Variants in DPP10 observed in about 807,000 individuals in gnomAD.
DPP10 encodes inactive dipeptidyl peptidase 10.
DPP10 carries 33 observed loss-of-function variants against 120.9 expected under a neutral mutation model. That is an observed-to-expected ratio of 0.27 (90% CI 0.21 to 0.37). The LOEUF (loss-of-function observed/expected upper bound fraction) is 0.37. DPP10 is among the 10% of genes least tolerant of loss of function. The pLI, the probability that DPP10 is intolerant of heterozygous loss-of-function variation, is 1.00. For missense variants in DPP10, 816 were observed against 942.8 expected (o/e 0.87, Z 1.76); for synonymous variants, 337 against 326.1 (o/e 1.03, Z -0.36).
chr2:114,919,551 T>C (rs982470056), intron 1 of DPP10, among the ~76,000 whole-genome samples: 14 of 152,350 alleles, frequency 9.2e-5, no homozygotes, highest in Admixed American at 3.3e-4. Flanking sequence ...ATGTTGGTTA[T>C]ATAACGCAAG....
At chr2:115,250,519 AG>A (rs1280391723) in intron 1 of DPP10, among the ~76,000 whole-genome samples, 1 of 152,146 alleles carries the variant, frequency 6.6e-6, no homozygotes, top group African/African-American at 2.4e-5. Flanking sequence ...AGGGACTCAA[AG>A]GGAATGTCTG....
intron 21 of DPP10, among the ~76,000 whole-genome samples, chr2:115,821,855 A>G (rs1687851741): frequency 6.6e-6 from 1 of 151,990 alleles, no homozygotes; most frequent in Admixed American, 6.6e-5. Context: ...TTTTTGTGTA[A>G]ACATATATTT....
intron 1 of DPP10, among the ~76,000 whole-genome samples, chr2:114,888,316 A>C (rs1300176342): frequency 1.3e-5 from 2 of 152,086 alleles, no homozygotes; most frequent in Non-Finnish European, 2.9e-5. Flanking sequence ...GATTCCTATA[A>C]CTTTGAATAT....
At chr2:114,967,937 A>G (rs1441711599) in intron 1 of DPP10, among the ~76,000 whole-genome samples, 1 of 152,128 alleles carries the variant, frequency 6.6e-6, no homozygotes, top group Non-Finnish European at 1.5e-5. Flanking sequence ...ACTTAGGCTT[A>G]TCGAATAAAA....
chr2:114,466,691 A>G (rs1425431106), intron 1 of DPP10, among the ~76,000 whole-genome samples: 1 of 152,192 alleles, frequency 6.6e-6, no homozygotes, highest in Admixed American at 6.5e-5. Context: ...GCGAATGTGA[A>G]CCATTCTTAT....
At position 114,929,278 on chromosome 2, in the gene DPP10, C is replaced by T. The variant is rs983776775; in HGVS notation, c.61-379961C>T. Among the ~76,000 whole-genome samples, 21 of 152,228 alleles carry T rather than the reference C, an allele frequency of 1.4e-4. No individual in the cohort carries two copies. The East Asian group carries it at 2.9e-3, about 21-fold the overall frequency. ...ATGAGGTTCCACGTCCTGCTGCGCACGCATTATCATTGATAAACATCTTAA... is the reference window on the plus strand; with the variant it reads ...ATGAGGTTCCACGTCCTGCTGCGCATGCATTATCATTGATAAACATCTTAA... On this transcript the variant is annotated intron_variant, in intron 1 of 25. Transcript: ENST00000410059.
At position 115,840,817 on chromosome 2, in the gene DPP10, T is replaced by C. The variant is rs1690067568; in HGVS notation, c.2250T>C (p.Thr750=). Residue 750 remains threonine, a synonymous_variant, in exon 25 of 26, where the codon ACT becomes ACC. Coordinates refer to ENST00000410059, the MANE Select transcript of DPP10 (RefSeq NM_020868.6). ...TAATAAAAGCTGGAGTGAATTATAC[T>C]ATGCAGGTAAGCTACTTTCTTAGAA... ...KHLIKAGVNY[T]MQVYPDEGHN... 6.2e-7 allele frequency: 1 copy of C among 1,610,292 alleles called. No individual in the cohort carries two copies. The highest frequency in any genetic ancestry group is 8.5e-7 in the Non-Finnish European group (1 of 1,177,942).
At chr2:114,689,182 A>G (rs1395078148) in intron 1 of DPP10, among the ~76,000 whole-genome samples, 1 of 151,678 alleles carries the variant, frequency 6.6e-6, no homozygotes, top group African/African-American at 2.4e-5. Flanking sequence ...CCCATCACCT[A>G]GGTATTAAGC....
chr2:114,802,205 G>A (rs901774646), intron 1 of DPP10, among the ~76,000 whole-genome samples: 1 of 152,082 alleles, frequency 6.6e-6, no homozygotes, highest in African/African-American at 2.4e-5. Flanking sequence ...AATATAATCA[G>A]CCATGAGATT....
intron 1 of DPP10, among the ~76,000 whole-genome samples, chr2:115,045,477 A>G (rs944332248): frequency 3.3e-5 from 5 of 152,134 alleles, no homozygotes; most frequent in Non-Finnish European, 1.5e-5. Context: ...GGAAAGTTCT[A>G]TCTTATTATT....
At chr2:114,630,905 A>T (rs537427645) in intron 1 of DPP10, among the ~76,000 whole-genome samples, 2 of 152,006 alleles carry the variant, frequency 1.3e-5, no homozygotes, top group Non-Finnish European at 2.9e-5. Flanking sequence ...GGGAGTCTCG[A>T]TTGAACTATC....
intron 3 of DPP10, among the ~76,000 whole-genome samples, chr2:115,384,519 A>T (rs1029255651): frequency 6.2e-5 from 9 of 145,880 alleles, no homozygotes; most frequent in African/African-American, 2.3e-4. Flanking sequence ...AAGAAGGAAG[A>T]AGAGGAAGAA....
chr2:114,745,126 T>C (rs1304462837), intron 1 of DPP10, among the ~76,000 whole-genome samples: 1 of 152,196 alleles, frequency 6.6e-6, no homozygotes, highest in Admixed American at 6.5e-5. Flanking sequence ...ATCAAGAATA[T>C]CTTGATAATT....
chr2:115,169,701 A>C (rs1338574033), intron 1 of DPP10, among the ~76,000 whole-genome samples: 1 of 152,146 alleles, frequency 6.6e-6, no homozygotes, highest in Non-Finnish European at 1.5e-5. Context: ...ATTTAGTTGA[A>C]ATTTAAGAAA....
intron 1 of DPP10, among the ~76,000 whole-genome samples, chr2:115,034,817 C>A (rs1042103144): frequency 6.6e-6 from 1 of 152,230 alleles, no homozygotes; most frequent in African/African-American, 2.4e-5. Flanking sequence ...ATTTCTCCTT[C>A]CTTTTTCACT....
intron 1 of DPP10, among the ~76,000 whole-genome samples, chr2:114,959,101 C>T (rs1029506321): frequency 4.6e-5 from 7 of 152,056 alleles, no homozygotes; most frequent in African/African-American, 1.2e-4. Flanking sequence ...CTCTGTCACC[C>T]GGGCTGGAGT....
intron 1 of DPP10, among the ~76,000 whole-genome samples, chr2:115,223,788 A>G (rs2057298778): frequency 6.6e-6 from 1 of 152,148 alleles, no homozygotes. Flanking sequence ...AAAATGATTA[A>G]TAGCATGCAC....
chr2:114,831,405 G>A (rs562098093), intron 1 of DPP10, among the ~76,000 whole-genome samples: 1 of 152,210 alleles, frequency 6.6e-6, no homozygotes, highest in Admixed American at 6.5e-5. Context: ...TTAGCCTTGG[G>A]TGTTTCATAA....
chr2:115,747,255 C>T (rs1421943536), intron 10 of DPP10, among the ~76,000 whole-genome samples: 1 of 152,162 alleles, frequency 6.6e-6, no homozygotes, highest in Non-Finnish European at 1.5e-5. Flanking sequence ...AGGACTCTTT[C>T]ATCAGGTTAC....
Sources: gnomAD v4.1 joint callset for allele counts (sites outside exome capture counted in the v4.1 genomes callset) on GRCh38, gnomAD v4.1.1 for gene constraint, MANE v1.5 for transcripts, NCBI Gene and HGNC (gene_info 2026-07-23, HGNC 2026-07-21) for gene names.